GBF1: variants seen among roughly 807,000 people sequenced by gnomAD.
GBF1 encodes golgi brefeldin A resistant guanine nucleotide exchange factor 1, also known as Golgi-specific brefeldin A-resistance guanine nucleotide exchange factor 1.
GBF1 carries 114 observed loss-of-function variants against 210.5 expected under a neutral mutation model. That is an observed-to-expected ratio of 0.54 (90% confidence interval 0.47 to 0.63). The LOEUF (loss-of-function observed/expected upper bound fraction) is 0.63. Among genes scored for constraint, GBF1 ranks in the 30% least tolerant of loss-of-function variants. GBF1 has a pLI of 0.00. For missense variants in GBF1, 1,851 were observed against 2,357.7 expected, an observed-to-expected ratio of 0.79 and a Z score of 4.45; for synonymous variants, 850 against 889.2, an observed-to-expected ratio of 0.96 and a Z score of 0.78.
rs2059714731 is a variant in GBF1 at position 102,363,282 on chromosome 10, G to T, written c.1903G>T (p.Ala635Ser). 1 of 1,613,534 alleles carries T rather than the reference G, an allele frequency of 6.2e-7. No homozygotes were observed. The highest frequency in any genetic ancestry group is 1.3e-5 in the African/African-American group (1 of 74,924). Residue 635 changes from alanine to serine, a missense_variant, in exon 16 of 40, where the codon GCT becomes TCT. By Grantham distance (99) the Ala-to-Ser change is moderately conservative (BLOSUM62 1). Around this residue, in one of 3 missense-constraint regions of GBF1, gnomAD observed 804 missense variants for 958.6 expected, o/e 0.84. Coordinates refer to ENST00000369983, the MANE Select transcript of GBF1 (RefSeq NM_001377137.1). The surrounding 1 kb of genome is among the most constrained non-coding windows in gnomAD (Gnocchi z 4.2). Reference sequence around the variant, plus strand: ...TGAGAGAACTGCCAGCGATGGGAAAGCTGTAGGCATGGCCTCAGACATCCC... The same window carrying T: ...TGAGAGAACTGCCAGCGATGGGAAATCTGTAGGCATGGCCTCAGACATCCC... ...NTERTASDGK[A>S]VGMASDIPGL...
At chr10:102,338,515 A>G (rs990597101) in intron 3 of GBF1, among the ~76,000 whole-genome samples, 7 of 151,816 alleles carry the variant, frequency 4.6e-5, no homozygotes, top group Non-Finnish European at 8.8e-5. Context: ...AAGTGCTGGG[A>G]TTAGAGGTGT....
rs553618994 is a variant in GBF1, at chr10:102,318,428, C to T, written c.164-25623C>T. On this transcript the variant is annotated intron_variant, in intron 3 of 39. Transcript: ENST00000369983. ...CTGGTCTTGAACTCCTGGGCTCAAG[C>T]GATCCACCTACCTTGGCCTCCCAAA... Among the ~76,000 whole-genome samples, 16 of 150,182 alleles carry T rather than the reference C, an allele frequency of 1.1e-4. 1 individual carries two copies. The highest frequency in any genetic ancestry group is 2.7e-4 in the Admixed American group (4 of 15,034).
chr10:102,291,890 CT>C (rs1223283560), intron 3 of GBF1, among the ~76,000 whole-genome samples: 117 of 127,698 alleles, frequency 9.2e-4, no homozygotes, highest in Middle Eastern at 4.0e-3. Context: ...TAGAACTTTT[CT>C]TTTTTTTTTT....
chr10:102,261,403 G>T (rs571300314), intron 3 of GBF1, among the ~76,000 whole-genome samples: 1 of 152,230 alleles, frequency 6.6e-6, no homozygotes, highest in Non-Finnish European at 1.5e-5. Flanking sequence ...AAGGGCTCCT[G>T]CAGTGTATAA....
intron 3 of GBF1, among the ~76,000 whole-genome samples, chr10:102,302,133 C>T (rs985476000): frequency 5.9e-5 from 9 of 152,178 alleles, no homozygotes; most frequent in Non-Finnish European, 1.2e-4. Flanking sequence ...GGCGTGGCGG[C>T]GCGCGCCTGC....
At chr10:102,311,753 C>T (rs1467263681) in intron 3 of GBF1, among the ~76,000 whole-genome samples, 1 of 152,202 alleles carries the variant, frequency 6.6e-6, no homozygotes, top group Non-Finnish European at 1.5e-5. Context: ...TCAACTATTC[C>T]TATGCCCCAT....
Position 102,368,211 on chromosome 10 carries a change from C to T in GBF1, c.2643-7C>T, listed in dbSNP as rs1253940962. Reference sequence around the variant, plus strand: ...GTGCAACTGCTCCTTCCCTTACCTCCTGACAGGAATGAGGAAATTGTAATG... The same window carrying T: ...GTGCAACTGCTCCTTCCCTTACCTCTTGACAGGAATGAGGAAATTGTAATG... On this transcript the variant is annotated splice_polypyrimidine_tract_variant and splice_region_variant and intron_variant, in intron 21 of 39. Transcript: ENST00000369983. 1 of 1,592,968 alleles carries T rather than the reference C, an allele frequency of 6.3e-7. No individual in the cohort carries two copies. The highest frequency in any genetic ancestry group is 2.2e-5 in the East Asian group (1 of 44,810).
At chr10:102,310,259 A>G (rs78059814) in intron 3 of GBF1, among the ~76,000 whole-genome samples, 7,152 of 152,308 alleles carry the variant, frequency 0.047, 328 homozygotes, top group African/African-American at 0.12. Context: ...CTCATGTTCT[A>G]TTGATCAAAA....
chr10:102,336,087 G>C (rs2057711217), intron 3 of GBF1, among the ~76,000 whole-genome samples: 1 of 151,950 alleles, frequency 6.6e-6, no homozygotes, highest in Non-Finnish European at 1.5e-5. Context: ...AGATCACAAG[G>C]TCAGGAGATC....
At chr10:102,307,437 C>T (rs1160768217) in intron 3 of GBF1, among the ~76,000 whole-genome samples, 1 of 148,814 alleles carries the variant, frequency 6.7e-6, no homozygotes, top group Middle Eastern at 3.4e-3. Context: ...AAATCACCAA[C>T]CTTGGCAAAA....
At chr10:102,271,951 C>T (rs2074473052) in intron 3 of GBF1, among the ~76,000 whole-genome samples, 1 of 151,794 alleles carries the variant, frequency 6.6e-6, no homozygotes. Flanking sequence ...CAGGGTCTTG[C>T]CATGTTGCCC....
chr10:102,368,937 C>A, intron 23 of GBF1, 105 bp downstream of exon 23: 2 of 757,042 alleles, frequency 2.6e-6, no homozygotes, highest in East Asian at 2.5e-5. Flanking sequence ...AGCGTCTTCC[C>A]TCACTGCCCC....
chr10:102,368,664 T>G, intron 22 of GBF1, 75 bp from the exon 23 acceptor site: 1 of 1,045,562 alleles, frequency 9.6e-7, no homozygotes, highest in Non-Finnish European at 1.5e-6. Flanking sequence ...AAGAGCCCCA[T>G]GCAAGCTCAG....
intron 3 of GBF1, among the ~76,000 whole-genome samples, chr10:102,335,475 C>G (rs1368365122): frequency 6.6e-6 from 1 of 152,212 alleles, no homozygotes; most frequent in Non-Finnish European, 1.5e-5. Context: ...GCAGTTTTCA[C>G]TCTTCTGGAG....
At chr10:102,308,545 A>G (rs903624180) in intron 3 of GBF1, among the ~76,000 whole-genome samples, 1 of 152,180 alleles carries the variant, frequency 6.6e-6, no homozygotes, top group African/African-American at 2.4e-5. Flanking sequence ...CTATGCAGCC[A>G]TAAAAAATGA....
rs1416718032 is a variant in GBF1, at chr10:102,369,228, C to T, written c.2991C>T (p.Pro997=). 5 of 1,613,022 alleles carry T rather than the reference C, an allele frequency of 3.1e-6. No individual in the cohort carries two copies. In the African/African-American group the frequency reaches 4.0e-5, roughly 13 times the overall value. Residue 997 remains proline, a synonymous_variant, in exon 24 of 40, where the codon CCC becomes CCT. Coordinates refer to ENST00000369983, the MANE Select transcript of GBF1 (RefSeq NM_001377137.1). ...ALSSESIENL[P]SVFGSNPKAH... ...TTTTCCAGTCTATTGAGAACCTGCC[C>T]AGTGTATTTGGAAGCAACCCTAAAG... is the stretch of plus-strand genomic sequence containing the variant.
intron 3 of GBF1, among the ~76,000 whole-genome samples, chr10:102,307,701 G>A (rs1012255125): frequency 6.6e-6 from 1 of 152,180 alleles, no homozygotes; most frequent in African/African-American, 2.4e-5. Context: ...TGAGGCAGCA[G>A]AATGGCGTGA....
At chr10:102,255,057 T>C (rs552354077) in intron 1 of GBF1, among the ~76,000 whole-genome samples, 2 of 152,244 alleles carry the variant, frequency 1.3e-5, no homozygotes, top group South Asian at 4.2e-4. Flanking sequence ...TTCTTTTTTT[T>C]TGAGACAGAG....
chr10:102,262,653 AT>A (rs923132491), intron 3 of GBF1, among the ~76,000 whole-genome samples: 1 of 152,106 alleles, frequency 6.6e-6, no homozygotes, highest in Non-Finnish European at 1.5e-5. Flanking sequence ...ACAGAGCCAC[AT>A]TTCCTGCCTG....
Sources: gnomAD v4.1 joint callset for allele counts (sites outside exome capture counted in the v4.1 genomes callset) on GRCh38, gnomAD v4.1.1 for gene constraint, gnomAD v4.1.1 regional missense constraint, Gnocchi (gnomAD v3.1) non-coding constraint, MANE v1.5 for transcripts, NCBI Gene and HGNC (gene_info 2026-07-23, HGNC 2026-07-21) for gene names.